The following NCALD variants were observed in gnomAD, a reference collection of about 807,000 sequenced individuals.
NCALD encodes neurocalcin delta.
NCALD carries 10 observed loss-of-function variants against 18.6 expected under a neutral mutation model. That is an observed-to-expected ratio of 0.54 (90% CI 0.33 to 0.91). NCALD has a LOEUF of 0.91. Among genes scored for constraint, NCALD ranks in the 40% least tolerant of loss-of-function variants. The pLI is 0.03. For synonymous variants in NCALD, 88 were observed against 87.4 expected (o/e 1.01, Z -0.04); for missense variants, 184 against 247.6 (o/e 0.74, Z 1.72).
intron 3 of NCALD, among the ~76,000 whole-genome samples, chr8:101,900,528 G>A (rs1817380501): frequency 6.6e-6 from 1 of 151,884 alleles, no homozygotes; most frequent in Non-Finnish European, 1.5e-5. Context: ...CTTTAGCTGA[G>A]TCACATAAAT....
At chr8:101,982,391 G>A (rs1820652361) in intron 2 of NCALD, among the ~76,000 whole-genome samples, 1 of 152,146 alleles carries the variant, frequency 6.6e-6, no homozygotes, top group African/African-American at 2.4e-5. Flanking sequence ...TAAACTATAA[G>A]TTTTACAGTT....
chr8:101,842,947 A>G (rs1814705120), intron 4 of NCALD, among the ~76,000 whole-genome samples: 1 of 152,188 alleles, frequency 6.6e-6, no homozygotes, highest in African/African-American at 2.4e-5. Flanking sequence ...AAAGAAAGTT[A>G]TCTGTATTCA....
intron 1 of NCALD, among the ~76,000 whole-genome samples, chr8:102,109,991 A>G (rs890864938): frequency 2.0e-5 from 3 of 152,162 alleles, no homozygotes; most frequent in Non-Finnish European, 4.4e-5. Context: ...CAAACATTTT[A>G]TCTTTTATTC....
rs75024741 is a variant in NCALD at position 102,090,105 on chromosome 8, A to G, written c.-210+34132T>C. Among the ~76,000 whole-genome samples the G allele has an allele frequency of 4.6e-5, 7 of 152,374 alleles. No individual in the cohort carries two copies. In the East Asian group the frequency reaches 1.3e-3, roughly 29 times the overall value. On this transcript the variant is annotated intron_variant, in intron 1 of 6. Coordinates refer to the NCALD transcript ENST00000311028. ...AATTGGCTTATTTGGTACAAAAAGC[A>G]TATGGAAAGCATTGTGAAATATGAA...
intron 2 of NCALD, among the ~76,000 whole-genome samples, chr8:101,957,111 G>A (rs1203081291): frequency 6.6e-6 from 1 of 151,976 alleles, no homozygotes; most frequent in Non-Finnish European, 1.5e-5. Flanking sequence ...TGTTGAGAGG[G>A]ATCTAGTTCT....
chr8:101,962,851 T>G (rs1056029958), intron 2 of NCALD, among the ~76,000 whole-genome samples: 7 of 152,224 alleles, frequency 4.6e-5, no homozygotes, highest in Non-Finnish European at 1.0e-4. Context: ...TGTGATATTA[T>G]TTTGGGCTTA....
At chr8:102,072,361 G>A (rs1824204262) in intron 1 of NCALD, among the ~76,000 whole-genome samples, 1 of 152,096 alleles carries the variant, frequency 6.6e-6, no homozygotes, top group Admixed American at 6.5e-5. Flanking sequence ...CTTAAAAGAG[G>A]GGAAAGATTC....
intron 2 of NCALD, among the ~76,000 whole-genome samples, chr8:101,988,976 G>C (rs567631719): frequency 1.3e-5 from 2 of 151,728 alleles, no homozygotes; most frequent in African/African-American, 4.8e-5. Context: ...ATGGAGAGGC[G>C]TCTAGCAAGT....
At chr8:101,849,796 A>G (rs1003988498) in intron 4 of NCALD, among the ~76,000 whole-genome samples, 3 of 152,194 alleles carry the variant, frequency 2.0e-5, no homozygotes, top group Non-Finnish European at 4.4e-5. Flanking sequence ...CTTTGCTGCC[A>G]TGACTGGCAT....
intron 2 of NCALD, among the ~76,000 whole-genome samples, chr8:101,919,821 A>G (rs1818100098): frequency 6.6e-6 from 1 of 152,184 alleles, no homozygotes; most frequent in Admixed American, 6.5e-5. Flanking sequence ...GCAAATCAAA[A>G]CCACAATGGG....
chr8:101,955,329 G>T (rs1294313446), intron 2 of NCALD, among the ~76,000 whole-genome samples: 1 of 152,126 alleles, frequency 6.6e-6, no homozygotes, highest in Non-Finnish European at 1.5e-5. Context: ...CGTAGAGAGG[G>T]CAAATGTGAA....
At chr8:102,036,295 G>A (rs1486759237) in intron 1 of NCALD, among the ~76,000 whole-genome samples, 1 of 151,162 alleles carries the variant, frequency 6.6e-6, no homozygotes, top group East Asian at 1.9e-4. Flanking sequence ...TCCAGACTGG[G>A]TGACAGAAAA....
At chr8:101,853,200 G>A (rs1264953) in intron 4 of NCALD, among the ~76,000 whole-genome samples, 56,282 of 151,784 alleles carry the variant, frequency 0.37, 13,131 homozygotes, top group African/African-American at 0.66. Context: ...TACTTTCAAT[G>A]CTATCAGGCA....
rs560757905 is a variant in NCALD, at chr8:102,105,163, C to T, written c.-210+19074G>A. ...AATTAATTTGATTTTTTTTCTAAGC[C>T]GCTTTGAATCAGGTTTCTATCATTT... is the stretch of plus-strand genomic sequence containing the variant. On this transcript the variant is annotated intron_variant, in intron 1 of 6. Coordinates refer to the NCALD transcript ENST00000311028. Among the ~76,000 whole-genome samples the T allele has an allele frequency of 2.0e-4, 30 of 152,146 alleles. 1 individual carries two copies. In the South Asian group the frequency reaches 4.8e-3, roughly 24 times the overall value.
intron 4 of NCALD, among the ~76,000 whole-genome samples, chr8:101,837,322 G>A (rs1012417586): frequency 6.6e-6 from 1 of 152,012 alleles, no homozygotes; most frequent in African/African-American, 2.4e-5. Context: ...TGTCTAGTGC[G>A]GTTTTCTACA....
chr8:102,051,193 T>A (rs1160484451), intron 1 of NCALD, among the ~76,000 whole-genome samples: 1 of 152,126 alleles, frequency 6.6e-6, no homozygotes, highest in Non-Finnish European at 1.5e-5. Context: ...CTCACTGATT[T>A]TCTGGAGCCA....
chr8:101,707,354 G>A (rs1413245535), intron 2 of NCALD, among the ~76,000 whole-genome samples: 1 of 152,176 alleles, frequency 6.6e-6, no homozygotes, highest in Non-Finnish European at 1.5e-5. Flanking sequence ...GGGCAGTCTG[G>A]AAATGAGTGT....
At chr8:102,114,647 C>G (rs1253765436) in intron 1 of NCALD, among the ~76,000 whole-genome samples, 1 of 152,220 alleles carries the variant, frequency 6.6e-6, no homozygotes, top group Non-Finnish European at 1.5e-5. Context: ...AGCTTGCAAC[C>G]CAGTGGAGGG....
chr8:101,950,610 T>C lies in NCALD; in HGVS notation c.-156-34752A>G, dbSNP rs745942663. Among the ~76,000 whole-genome samples, 43 of 152,306 alleles carry C rather than the reference T, an allele frequency of 2.8e-4. No individual in the cohort carries two copies. The Middle Eastern group carries it at 0.014, about 48-fold the overall frequency. On this transcript the variant is annotated intron_variant, in intron 2 of 6. Transcript: ENST00000311028. ...TGAGGTTATGCTTGGCTAAGAGACT[T>C]CCTTGGCCCGTGGAATGTGGGCAGA...
Sources: gnomAD v4.1 joint callset for allele counts (sites outside exome capture counted in the v4.1 genomes callset) on GRCh38, gnomAD v4.1.1 for gene constraint, MANE v1.5 for transcripts, NCBI Gene and HGNC (gene_info 2026-07-23, HGNC 2026-07-21) for gene names.